Variants in FGF12 observed in about 807,000 individuals in gnomAD.
The protein encoded by FGF12 is fibroblast growth factor 12B.
A neutral mutation model predicts 23.6 loss-of-function variants in FGF12; 14 were observed. The ratio of observed to expected loss-of-function variants is 0.59; its 90% confidence interval spans 0.39 to 0.93. FGF12 has a LOEUF of 0.93. Among genes scored for constraint, FGF12 ranks in the 40% least tolerant of loss-of-function variants. The pLI, the probability that FGF12 is intolerant of heterozygous loss-of-function variation, is 0.00. For synonymous variants in FGF12, 62 were observed against 77.3 expected, an observed-to-expected ratio of 0.80 and a Z score of 1.04; for missense variants, 175 against 217.8, an observed-to-expected ratio of 0.80 and a Z score of 1.24.
Position 192,621,568 on chromosome 3 carries a change from C to T in FGF12, c.13+105613G>A, listed in dbSNP as rs548946931. Reference sequence around the variant, plus strand: ...TAGAGTAGAGATAATATAGACGACTCGTGGAGCATAGTGCCTGTCAAAAAG... The same window carrying T: ...TAGAGTAGAGATAATATAGACGACTTGTGGAGCATAGTGCCTGTCAAAAAG... On this transcript the variant is annotated intron_variant, in intron 2 of 5. Coordinates refer to ENST00000445105, the MANE Select transcript of FGF12 (RefSeq NM_004113.6). 1.3e-3 allele frequency among the ~76,000 whole-genome samples: 198 copies of T among 151,400 alleles called. 4 individuals carry two copies. The South Asian group carries it at 0.04, about 31-fold the overall frequency.
chr3:192,394,185 A>G (rs967537336), intron 2 of FGF12, among the ~76,000 whole-genome samples: 1 of 152,178 alleles, frequency 6.6e-6, no homozygotes, highest in Non-Finnish European at 1.5e-5. Flanking sequence ...CGTATTTTCT[A>G]TTAAAACAAA....
intron 2 of FGF12, among the ~76,000 whole-genome samples, chr3:192,396,535 T>C (rs1475152731): frequency 6.6e-6 from 1 of 152,250 alleles, no homozygotes; most frequent in Non-Finnish European, 1.5e-5. Flanking sequence ...CATAGTTGTA[T>C]GACCTAACAC....
chr3:192,447,579 T>C (rs1722392162), intron 2 of FGF12, among the ~76,000 whole-genome samples: 1 of 152,212 alleles, frequency 6.6e-6, no homozygotes, highest in African/African-American at 2.4e-5. Flanking sequence ...ATACAGTGCA[T>C]TCAGACTTGG....
At chr3:192,545,791 A>G (rs1166101626) in intron 2 of FGF12, among the ~76,000 whole-genome samples, 1 of 152,216 alleles carries the variant, frequency 6.6e-6, no homozygotes, top group Non-Finnish European at 1.5e-5. Flanking sequence ...AGTTGGAATT[A>G]CCTGTCTCTA....
intron 2 of FGF12, among the ~76,000 whole-genome samples, chr3:192,450,964 G>T (rs1352548831): frequency 6.6e-6 from 1 of 152,138 alleles, no homozygotes. Flanking sequence ...CAGTCATGAA[G>T]CTTTGGCTAG....
chr3:192,455,784 A>C (rs946162191), intron 2 of FGF12, among the ~76,000 whole-genome samples: 28 of 152,242 alleles, frequency 1.8e-4, no homozygotes, highest in African/African-American at 6.5e-4. Flanking sequence ...GCAGAATATT[A>C]GTAGATGTAA....
chr3:192,189,468 C>G (rs1716662949), intron 4 of FGF12, among the ~76,000 whole-genome samples: 2 of 152,192 alleles, frequency 1.3e-5, no homozygotes, highest in Admixed American at 6.5e-5. Context: ...TGTGCCTTCT[C>G]TCACCCCAAA....
intron 4 of FGF12, among the ~76,000 whole-genome samples, chr3:192,196,305 T>C (rs1317508331): frequency 6.6e-6 from 1 of 152,204 alleles, no homozygotes; most frequent in Non-Finnish European, 1.5e-5. Flanking sequence ...CAAAAGACTG[T>C]TCCAAATATT....
chr3:192,317,825 T>C (rs1392217516), intron 4 of FGF12, among the ~76,000 whole-genome samples: 1 of 152,120 alleles, frequency 6.6e-6, no homozygotes, highest in Non-Finnish European at 1.5e-5. Flanking sequence ...GTCCCAGTGG[T>C]GGTGGCCACA....
chr3:192,640,683 T>C (rs920840174), intron 2 of FGF12, among the ~76,000 whole-genome samples: 28 of 152,228 alleles, frequency 1.8e-4, no homozygotes. Context: ...TGGTAAAAGT[T>C]CATTTTTCTA....
chr3:192,625,685 A>G (rs1715140949), intron 2 of FGF12, among the ~76,000 whole-genome samples: 1 of 152,096 alleles, frequency 6.6e-6, no homozygotes, highest in Non-Finnish European at 1.5e-5. Flanking sequence ...AAAAAGTCAT[A>G]TTTTTTCAAG....
intron 4 of FGF12, among the ~76,000 whole-genome samples, chr3:192,253,810 G>A (rs1371903641): frequency 1.3e-5 from 2 of 151,976 alleles, no homozygotes; most frequent in Non-Finnish European, 2.9e-5. Context: ...AATGAATCAT[G>A]TATTATTGTT....
chr3:192,313,900 T>C (rs989131319), intron 4 of FGF12, among the ~76,000 whole-genome samples: 3 of 152,226 alleles, frequency 2.0e-5, no homozygotes, highest in Non-Finnish European at 4.4e-5. Context: ...CTCAGATTCA[T>C]ATATTGAAGC....
chr3:192,314,710 T>C (rs774713841), intron 4 of FGF12, among the ~76,000 whole-genome samples: 1 of 152,228 alleles, frequency 6.6e-6, no homozygotes, highest in African/African-American at 2.4e-5. Context: ...TCCTCATTGA[T>C]ACAGGAAAGT....
At chr3:192,320,176 C>T (rs1716459836) in intron 4 of FGF12, among the ~76,000 whole-genome samples, 1 of 151,774 alleles carries the variant, frequency 6.6e-6, no homozygotes, top group African/African-American at 2.4e-5. Context: ...CAAATGGAAA[C>T]CAGAAAAGAG....
chr3:192,554,866 G>A (rs557752236), intron 2 of FGF12, among the ~76,000 whole-genome samples: 1 of 152,132 alleles, frequency 6.6e-6, no homozygotes, highest in Non-Finnish European at 1.5e-5. Context: ...AGAAAGTTTG[G>A]AATGAAAGAA....
In FGF12 at chr3:192,223,035, C is replaced by T. The variant is rs570117392; in HGVS notation, c.229-52379G>A. 2.0e-5 allele frequency among the ~76,000 whole-genome samples: 3 copies of T among 152,238 alleles called. No homozygotes were observed. In the East Asian group the frequency reaches 5.8e-4, roughly 29 times the overall value. Reference sequence around the variant, plus strand: ...ATACTTTACCCAAGGTTAGATATAACTTAGTAAAGTGAATTTAAAATTATT... The same window carrying T: ...ATACTTTACCCAAGGTTAGATATAATTTAGTAAAGTGAATTTAAAATTATT... On this transcript the variant is annotated intron_variant, in intron 4 of 5. Coordinates refer to ENST00000445105, the MANE Select transcript of FGF12 (RefSeq NM_004113.6).
chr3:192,561,552 T>C (rs13069125), intron 2 of FGF12, among the ~76,000 whole-genome samples: 54,895 of 151,692 alleles, frequency 0.36, 10,598 homozygotes, highest in East Asian at 0.59. Context: ...TTAGTAGAGA[T>C]GGGGTTTCAC....
chr3:192,322,550 C>A (rs1358107883), intron 4 of FGF12, among the ~76,000 whole-genome samples: 4 of 150,984 alleles, frequency 2.6e-5, no homozygotes, highest in East Asian at 1.9e-4. Flanking sequence ...CTATCCTGGG[C>A]AAAAAAATTA....
Sources: allele counts gnomAD v4.1 joint callset (sites outside exome capture counted in the v4.1 genomes callset), GRCh38; gene constraint gnomAD v4.1.1; transcripts MANE v1.5; gene names NCBI Gene and HGNC (gene_info 2026-07-23, HGNC 2026-07-21).